Variants in MGAM observed in about 807,000 individuals in gnomAD.
The protein encoded by MGAM is alpha-1,4-glucosidase.
A neutral mutation model predicts 358.8 loss-of-function variants in MGAM; 253 were observed. The observed-to-expected ratio is 0.71, with a 90% confidence interval of 0.64 to 0.78. The LOEUF is 0.78. MGAM is among the 30% of genes least tolerant of loss of function. The pLI is 0.00. For synonymous variants in MGAM, 1,105 were observed against 1,227.1 expected (o/e 0.90, Z 2.08); for missense variants, 3,080 against 3,432.6 (o/e 0.90, Z 2.57).
In MGAM at chr7:142,086,235, C is replaced by G. The variant is rs762354481; in HGVS notation, c.6654C>G (p.Gly2218=). Residue 2218 remains glycine (G), a synonymous_variant, in exon 56 of 71, where the codon GGC becomes GGG. Coordinates refer to ENST00000475668, the MANE Select transcript of MGAM (RefSeq NM_001365693.1). The stretch of plus-strand genomic sequence containing the variant: ...GATTTCAGGATCCAGCCATTTCTGG[C>G]AATGAGACACAGCCCTATCCTGCCT... The part of the protein sequence containing the change: ...VILILDPAIS[G]NETQPYPAFT... The G allele has an allele frequency of 1.9e-6, 3 of 1,538,676 alleles. 1 individual carries two copies. The Admixed American group carries it at 5.4e-5, about 27-fold the overall frequency.
At position 142,008,704 on chromosome 7, in the gene MGAM, AG is replaced by A; in HGVS notation, c.327+1del. The A allele has an allele frequency of 6.2e-7, 1 of 1,607,904 alleles. No individual in the cohort carries two copies. On this transcript the variant is annotated frameshift_variant and splice_region_variant, in exon 3 of 71. Transcript: ENST00000475668. LOFTEE classifies it high-confidence loss of function. The part of the protein sequence containing the change: ...INCIPDQPPT[K>X]ATCDQRGCCW... ...TGCATCCCTGACCAGCCGCCAACAA[AG>A]GTTTGAGTTATGAATTTTGTTTCCA...
intron 3 of MGAM, among the ~76,000 whole-genome samples, chr7:142,014,900 T>C (rs566052482): frequency 8.1e-4 from 123 of 152,248 alleles, no homozygotes; most frequent in African/African-American, 2.8e-3. Context: ...CTTCAATATA[T>C]TGAAGTTACA....
intron 52 of MGAM, 94 bp from the exon 53 acceptor site, chr7:142,083,207 G>C: frequency 1.0e-6 from 1 of 982,020 alleles, no homozygotes. Flanking sequence ...CTCTACGATA[G>C]GGAGGGTGCA....
rs537531148 is a variant in MGAM, at chr7:142,062,488, T to C, written c.4123-80T>C. 2,717 of 1,518,888 alleles carry C rather than the reference T, an allele frequency of 1.8e-3. 8 individuals are homozygous for C. The highest frequency in any genetic ancestry group is 2.8e-3 in the South Asian group (218 of 78,398). 94.1% of individuals were successfully genotyped at this position (1,518,888 alleles called of 1,614,324 possible). ...TCACCATGCAGTTGAAGTATTTGTGTGAGTTGCATTCTCAGTAAGTGCCTG... is the reference window on the plus strand; with the variant it reads ...TCACCATGCAGTTGAAGTATTTGTGCGAGTTGCATTCTCAGTAAGTGCCTG... On this transcript the variant is annotated intron_variant, in intron 34 of 70. Transcript: ENST00000475668.
chr7:142,064,255 T>TG, intron 36 of MGAM, 129 bp from the exon 37 acceptor site: 1 of 1,376,270 alleles, frequency 7.3e-7, no homozygotes, highest in Non-Finnish European at 1.0e-6. Context: ...CTCATGTCTC[T>TG]GGGGAGATGG....
chr7:142,074,041 T>C, intron 44 of MGAM, 44 bp from the exon 45 acceptor site: 1 of 1,368,500 alleles, frequency 7.3e-7, no homozygotes, highest in Non-Finnish European at 1.0e-6. Flanking sequence ...GTTGGCAAAA[T>C]TGTCTGACTC....
At position 142,021,586 on chromosome 7, in the gene MGAM, T is replaced by A; in HGVS notation, c.559T>A (p.Leu187Met). ...TCCTTCTATTTCTATCTCTGCACAG[T>A]TGACTGACCAAACCAATAACAGGTT... is the stretch of plus-strand genomic sequence containing the variant. Reference protein sequence around the residue: ...YQTSNRFHFKLTDQTNNRFEV... With the variant: ...YQTSNRFHFKMTDQTNNRFEV... The change falls in exon 6 of 71, where the codon TTG becomes ATG. Residue 187 changes from leucine to methionine, a missense_variant and splice_region_variant. Physicochemically the swap from Leu to Met is conservative, Grantham distance 15. Coordinates refer to ENST00000475668, the MANE Select transcript of MGAM (RefSeq NM_001365693.1). The A allele has an allele frequency of 6.2e-7, 1 of 1,613,776 alleles. No individual in the cohort carries two copies. Among genetic ancestry groups the A allele is most frequent in the Non-Finnish European group, 8.5e-7 (1 of 1,179,746 alleles).
In MGAM at chr7:142,085,759, G is replaced by A. The variant is rs1177115826; in HGVS notation, c.6508-74G>A. On this transcript the variant is annotated intron_variant, in intron 54 of 70. Transcript: ENST00000475668. ...AGCTATCTGGAATTCCACCATGGGT[G>A]GTGGAGGCTTGTTCTCCTATAAAGC... is the stretch of plus-strand genomic sequence containing the variant. The A allele has an allele frequency of 3.4e-6, 5 of 1,466,036 alleles. 1 individual carries two copies. The Admixed American group carries it at 8.0e-5, about 23-fold the overall frequency. 90.8% of individuals were successfully genotyped at this position (1,466,036 alleles called of 1,614,324 possible). A position where few individuals can be genotyped will look rare whatever the true frequency, so the allele number is the denominator to read the frequency against.
chr7:141,990,597 C>T (rs79889039), intron 2 of MGAM, among the ~76,000 whole-genome samples: 273 of 152,242 alleles, frequency 1.8e-3, no homozygotes, highest in African/African-American at 6.3e-3. Flanking sequence ...CCCTGATTGT[C>T]TCACAACTGT....
intron 36 of MGAM, among the ~76,000 whole-genome samples, 189 bp downstream of exon 36, chr7:142,063,775 T>A (rs1221767560): frequency 6.6e-6 from 1 of 152,192 alleles, no homozygotes; most frequent in Non-Finnish European, 1.5e-5. Context: ...CTAGACTCAT[T>A]GAGCAAATTT....
Position 142,030,479 on chromosome 7 carries a change from C to G in MGAM, c.1339C>G (p.Leu447Val), listed in dbSNP as rs142037158. ...CGAGTTACACAATAATGGACAGAAGCTTGTCATCATTGTGGTATGTACTGC... is the reference window on the plus strand; with the variant it reads ...CGAGTTACACAATAATGGACAGAAGGTTGTCATCATTGTGGTATGTACTGC... ...VNELHNNGQK[L>V]VIIVDPAISN... Residue 447 changes from leucine to valine, a missense_variant, in exon 11 of 71, where the codon CTT becomes GTT. Transcript: ENST00000475668. The G allele has an allele frequency of 3.2e-5, 51 of 1,613,636 alleles. No individual in the cohort carries two copies. In the African/African-American group the frequency reaches 6.3e-4, roughly 20 times the overall value.
At chr7:142,094,950 T>C (rs906851883) in intron 63 of MGAM, 87 bp downstream of exon 63, 1 of 1,374,050 alleles carries the variant, frequency 7.3e-7, no homozygotes, top group Admixed American at 2.9e-5. Flanking sequence ...GTATTTCCTG[T>C]GATATCTTTA....
At chr7:142,099,827 A>G in intron 67 of MGAM, 90 bp downstream of exon 67, 1 of 1,520,834 alleles carries the variant, frequency 6.6e-7, no homozygotes, top group Non-Finnish European at 8.9e-7. Context: ...TCACTCTCAA[A>G]CCCACATGCA....
At position 142,077,809 on chromosome 7, in the gene MGAM, A is replaced by C. The variant is rs1813863219; in HGVS notation, c.5494-509A>C. On this transcript the variant is annotated intron_variant, in intron 47 of 70. Coordinates refer to ENST00000475668, the MANE Select transcript of MGAM (RefSeq NM_001365693.1). ...AAATTAAAAATTAAAAAAAGAAATC[A>C]TTTGTCCAATATACTACATAAATGC... is the stretch of plus-strand genomic sequence containing the variant. Among the ~76,000 whole-genome samples, 2 of 145,642 alleles carry C rather than the reference A, an allele frequency of 1.4e-5. 1 individual carries two copies. Among genetic ancestry groups the C allele is most frequent in the Admixed American group, 1.4e-4 (2 of 14,392 alleles).
At position 142,036,150 on chromosome 7, in the gene MGAM, T is replaced by G; in HGVS notation, c.1960-19T>G. Reference sequence around the variant, plus strand: ...TTAGAAGGAAGTGAGGTATACCTGTTGTCTGTGTGTCCTTCCAGGTGGGTC... The same window carrying G: ...TTAGAAGGAAGTGAGGTATACCTGTGGTCTGTGTGTCCTTCCAGGTGGGTC... On this transcript the variant is annotated intron_variant, in intron 16 of 70. Coordinates refer to ENST00000475668, the MANE Select transcript of MGAM (RefSeq NM_001365693.1). The G allele has an allele frequency of 6.4e-7, 1 of 1,553,058 alleles. No individual in the cohort carries two copies. Among genetic ancestry groups the G allele is most frequent in the South Asian group, 1.1e-5 (1 of 87,104 alleles).
intron 34 of MGAM, among the ~76,000 whole-genome samples, chr7:142,062,331 G>A (rs924828437): frequency 3.9e-5 from 6 of 152,194 alleles, no homozygotes; most frequent in East Asian, 3.9e-4. Flanking sequence ...TCATCCACGT[G>A]TATAGGAAGA....
intron 18 of MGAM, among the ~76,000 whole-genome samples, 151 bp downstream of exon 18, chr7:142,037,128 AATCTATCT>A (rs556829106): frequency 6.6e-6 from 1 of 152,140 alleles, no homozygotes; most frequent in Non-Finnish European, 1.5e-5. Context: ...TATATTCATT[AATCTATCT>A]ATCTATCTAT....
intron 21 of MGAM, among the ~76,000 whole-genome samples, chr7:142,044,815 CG>C: frequency 1.5e-5 from 1 of 68,814 alleles, no homozygotes; most frequent in East Asian, 3.1e-4. Flanking sequence ...ATTATATACA[CG>C]TGTAATATAT....
chr7:142,035,640 G>A (rs1554465519), intron 16 of MGAM, among the ~76,000 whole-genome samples: 1 of 152,092 alleles, frequency 6.6e-6, no homozygotes, highest in East Asian at 1.9e-4. Context: ...GTATAAGGGG[G>A]ATTATTTGAT....
Sources: gnomAD v4.1 joint callset for allele counts (sites outside exome capture counted in the v4.1 genomes callset) on GRCh38, gnomAD v4.1.1 for gene constraint, MANE v1.5 for transcripts, NCBI Gene and HGNC (gene_info 2026-07-23, HGNC 2026-07-21) for gene names.